The following HSH2D variants were observed in gnomAD, a reference collection of about 807,000 sequenced individuals.
HSH2D encodes the protein hematopoietic SH2 domain containing.
Under a neutral mutation model 21.5 loss-of-function variants are expected in HSH2D, and 16 were observed. The ratio of observed to expected loss-of-function variants is 0.74; its 90% CI spans 0.50 to 1.13. The LOEUF is 1.13. HSH2D is among the 50% of genes most tolerant of loss of function. The probability of loss-of-function intolerance (pLI) is 0.00; values close to 1 mark genes in which losing one functional copy is unlikely to be tolerated. For missense variants in HSH2D, 418 were observed against 441.4 expected, an observed-to-expected ratio of 0.95 and a Z score of 0.47; for synonymous variants, 172 against 184.7, an observed-to-expected ratio of 0.93 and a Z score of 0.56.
At chr19:16,141,469 GCA>G (rs2145015245), upstream of HSH2D, among the ~76,000 whole-genome samples, 1 of 152,298 alleles carries the variant, frequency 6.6e-6, no homozygotes, top group South Asian at 2.1e-4. Flanking sequence ...AATCTGTTAG[GCA>G]CACAGGGCCT....
chr19:16,148,335 G>C (rs1006716351), intron 1 of HSH2D, among the ~76,000 whole-genome samples: 3 of 152,212 alleles, frequency 2.0e-5, no homozygotes, highest in Non-Finnish European at 4.4e-5. Flanking sequence ...TTTTAGTAGA[G>C]ACAGGGTTTC....
At chr19:16,155,836 G>C (rs1184555874) in intron 5 of HSH2D, 1 of 152,774 alleles carries the variant, frequency 6.5e-6, no homozygotes, top group African/African-American at 2.4e-5. Context: ...TCAAACCCCT[G>C]ACCTCATGAT....
intron 1 of HSH2D, among the ~76,000 whole-genome samples, chr19:16,146,486 G>T (rs2145031603): frequency 6.6e-6 from 1 of 152,180 alleles, no homozygotes; most frequent in East Asian, 1.9e-4. Flanking sequence ...AGCCAGACTG[G>T]ACAACAGAGC....
At position 16,154,442 on chromosome 19, in the gene HSH2D, C is replaced by T; in HGVS notation, c.425C>T (p.Ser142Phe). Reference sequence around the variant, plus strand: ...GATTACGAGGATCTCTTCCTCTACTCCAACGCAGTGGCCGAGGAAGCTGCC... The same window carrying T: ...GATTACGAGGATCTCTTCCTCTACTTCAACGCAGTGGCCGAGGAAGCTGCC... The part of the protein sequence containing the change: ...NVDYEDLFLY[S>F]NAVAEEAACP... Residue 142 changes from serine (S) to phenylalanine (F), a missense_variant, in exon 5 of 6, where the codon TCC becomes TTC. Ser to Phe is a radical substitution (Grantham distance 155). Transcript: ENST00000613986. The T allele has an allele frequency of 6.4e-7, 1 of 1,552,672 alleles. No individual in the cohort carries two copies. The highest frequency in any genetic ancestry group is 8.7e-7 in the Non-Finnish European group (1 of 1,147,696).
At chr19:16,143,061 G>A (rs560348389), upstream of HSH2D, among the ~76,000 whole-genome samples, 118 of 150,012 alleles carry the variant, frequency 7.9e-4, no homozygotes, top group African/African-American at 2.9e-3. Flanking sequence ...GAGCCACCGC[G>A]CCCAGTTTCT....
At chr19:16,151,619 G>A (rs1248074524) in intron 2 of HSH2D, 4 of 455,816 alleles carry the variant, frequency 8.8e-6, no homozygotes, top group Admixed American at 4.7e-5. Context: ...CCACCCAAAG[G>A]TGCCTTAATC....
At chr19:16,139,932 A>T (rs2090988993), upstream of HSH2D, 2 of 152,066 alleles carry the variant, frequency 1.3e-5, no homozygotes, top group African/African-American at 4.8e-5. Flanking sequence ...TGTGGGGGTG[A>T]TTCTGTTGCG....
At chr19:16,143,429 A>T (rs2091020967), upstream of HSH2D, among the ~76,000 whole-genome samples, 2 of 152,094 alleles carry the variant, frequency 1.3e-5, no homozygotes, top group African/African-American at 4.8e-5. Flanking sequence ...TCACTGCTTG[A>T]TAGATTATAG....
In HSH2D at chr19:16,157,587, A is replaced by G. The variant is rs773280806; in HGVS notation, c.852A>G (p.Lys284=). ...GCCCCTCACAGCCCCAGGCACCAAA[A>G]GACAGAAAGGTCCCCACCAGGAAGG... ...LKSPSQPQAP[K]DRKVPTRKAE... Residue 284 remains lysine (K), a synonymous_variant, in exon 6 of 6, where the codon AAA becomes AAG. Transcript: ENST00000613986. This position sits in a 1 kb window ranked among gnomAD's most constrained non-coding sequence, Gnocchi z 4.4. 13 of 1,613,816 alleles carry G rather than the reference A, an allele frequency of 8.1e-6. No homozygotes were observed. The East Asian group carries it at 1.1e-4, about 14-fold the overall frequency.
intron 1 of HSH2D, among the ~76,000 whole-genome samples, chr19:16,134,760 C>T (rs1327824603): frequency 6.6e-6 from 1 of 152,044 alleles, no homozygotes; most frequent in African/African-American, 2.4e-5. Flanking sequence ...AGGTCCTCAC[C>T]TCTGTGTTTC....
intron 2 of HSH2D, among the ~76,000 whole-genome samples, chr19:16,149,671 C>G (rs928593833): frequency 6.6e-6 from 1 of 151,374 alleles, no homozygotes; most frequent in African/African-American, 2.4e-5. Flanking sequence ...ACTGCAGCCT[C>G]TATCTCCTGG....
Position 16,134,765 on chromosome 19 carries a change from T to C in HSH2D, c.-324+530T>C, listed in dbSNP as rs146622324. On this transcript the variant is annotated intron_variant, in intron 1 of 7. Transcript: ENST00000616645. Reference sequence around the variant, plus strand: ...CATGGGTTTCAGGTCCTCACCTCTGTGTTTCAAACTATTTTCAGAGTGTCC... The same window carrying C: ...CATGGGTTTCAGGTCCTCACCTCTGCGTTTCAAACTATTTTCAGAGTGTCC... 1.4e-4 allele frequency among the ~76,000 whole-genome samples: 22 copies of C among 152,170 alleles called. No homozygotes were observed. In the East Asian group the frequency reaches 2.7e-3, roughly 19 times the overall value.
chr19:16,137,199 A>G (rs1253419120), intron 1 of HSH2D, among the ~76,000 whole-genome samples: 1 of 152,196 alleles, frequency 6.6e-6, no homozygotes, highest in African/African-American at 2.4e-5. Context: ...TAGGATGGCT[A>G]TGAAGAGCCA....
upstream of HSH2D, among the ~76,000 whole-genome samples, chr19:16,141,756 T>C (rs967546043): frequency 1.3e-5 from 2 of 151,884 alleles, no homozygotes; most frequent in South Asian, 4.2e-4. Context: ...AAACCTTGTC[T>C]CTACTAAAAA....
intron 1 of HSH2D, among the ~76,000 whole-genome samples, chr19:16,147,010 G>A (rs2145033381): frequency 6.6e-6 from 1 of 151,908 alleles, no homozygotes; most frequent in South Asian, 2.1e-4. Flanking sequence ...ATTTTTAGTA[G>A]AGATGGGGTT....
rs182565199 is a variant in HSH2D, at chr19:16,146,678, C to T, written c.-27-2046C>T. 6.3e-4 allele frequency among the ~76,000 whole-genome samples: 95 copies of T among 151,990 alleles called. 1 individual carries two copies. The highest frequency in any genetic ancestry group is 4.0e-4 in the Non-Finnish European group (27 of 67,956). ...TCCAGCCTCAGGAACAGAGGGAAAC[C>T]CTGTCTCAAAAAAAAAGAAAGAAAG... On this transcript the variant is annotated intron_variant, in intron 1 of 5. Transcript: ENST00000613986.
rs376157353 is a variant in HSH2D, at chr19:16,135,789, A to C, written c.-324+1554A>C. Among the ~76,000 whole-genome samples the C allele has an allele frequency of 3.3e-5, 5 of 152,158 alleles. No individual in the cohort carries two copies. The East Asian group carries it at 7.7e-4, about 23-fold the overall frequency. On this transcript the variant is annotated intron_variant, in intron 1 of 7. Transcript: ENST00000616645. ...CTAGCTCATCTTCATAGCATTTATGAGAAGTTACCTGTTTTCATTGCCAAC... is the reference window on the plus strand; with the variant it reads ...CTAGCTCATCTTCATAGCATTTATGCGAAGTTACCTGTTTTCATTGCCAAC...
chr19:16,152,258 T>TA (rs556258467), intron 2 of HSH2D, among the ~76,000 whole-genome samples: 90 of 149,174 alleles, frequency 6.0e-4, no homozygotes, highest in Admixed American at 4.3e-3. Context: ...TCTACTAAAA[T>TA]ATACAAAAAA....
At chr19:16,149,498 C>T (rs144604114) in intron 2 of HSH2D, among the ~76,000 whole-genome samples, 68 of 149,962 alleles carry the variant, frequency 4.5e-4, no homozygotes, top group African/African-American at 1.4e-3. Context: ...CCACCGCACC[C>T]GGCCAGAATC....
Sources: gnomAD v4.1 joint callset for allele counts (sites outside exome capture counted in the v4.1 genomes callset) on GRCh38, gnomAD v4.1.1 for gene constraint, Gnocchi (gnomAD v3.1) non-coding constraint, MANE v1.5 for transcripts, NCBI Gene and HGNC (gene_info 2026-07-23, HGNC 2026-07-21) for gene names.